PBRM1: variants seen among roughly 807,000 people sequenced by gnomAD.
PBRM1 encodes protein polybromo-1.
A neutral mutation model predicts 194.5 loss-of-function variants in PBRM1; 27 were observed. The observed-to-expected ratio is 0.14, with a 90% CI of 0.10 to 0.19. The LOEUF is 0.19. Ranked by LOEUF, PBRM1 falls within the 10% of genes least tolerant of loss-of-function variation. The pLI, the probability that PBRM1 is intolerant of heterozygous loss-of-function variation, is 1.00. For missense variants in PBRM1, 1,466 were observed against 2,077.2 expected (o/e 0.71, Z 5.72); for synonymous variants, 655 against 693.2 (o/e 0.94, Z 0.87).
At chr3:52,653,147 A>G (rs1419479507) in intron 5 of PBRM1, among the ~76,000 whole-genome samples, 2 of 152,238 alleles carry the variant, frequency 1.3e-5, no homozygotes, top group African/African-American at 2.4e-5. Flanking sequence ...TAACGTTATT[A>G]TATAATATTC....
At chr3:52,634,765 T>G in exon 11 of PBRM1, 1 of 1,614,096 alleles carries the variant, frequency 6.2e-7, no homozygotes, top group South Asian at 1.1e-5. Context: ...GAAACATCCA[T>G]AAAGGAAGTG....
intron 1 of PBRM1, among the ~76,000 whole-genome samples, chr3:52,685,085 G>C (rs1350389400): frequency 6.6e-6 from 1 of 152,092 alleles, no homozygotes; most frequent in Non-Finnish European, 1.5e-5. Context: ...CCCAACATAC[G>C]CTTCTATAAT....
intron 3 of PBRM1, among the ~76,000 whole-genome samples, chr3:52,664,209 G>T (rs1467669479): frequency 6.6e-6 from 1 of 151,654 alleles, no homozygotes; most frequent in Non-Finnish European, 1.5e-5. Context: ...CTCCAGCCTG[G>T]GTGACAGAGC....
exon 19 of PBRM1, chr3:52,587,495 T>C (rs1259299276): frequency 3.1e-6 from 5 of 1,601,738 alleles, no homozygotes; most frequent in Admixed American, 1.7e-5. Context: ...CCAACAGCCA[T>C]ACAACCATTT....
At chr3:52,582,734 C>T (rs914893983) in intron 20 of PBRM1, among the ~76,000 whole-genome samples, 1 of 152,024 alleles carries the variant, frequency 6.6e-6, no homozygotes, top group Non-Finnish European at 1.5e-5. Flanking sequence ...TCGCCTCTTA[C>T]GTAGAATCTT....
At chr3:52,668,516 A>G (rs755962661) in exon 3 of PBRM1, 2 of 1,603,770 alleles carry the variant, frequency 1.2e-6, no homozygotes, top group South Asian at 1.1e-5. Context: ...AGGACTTTGC[A>G]TTGTTAAAAA....
intron 3 of PBRM1, among the ~76,000 whole-genome samples, chr3:52,664,415 A>G (rs1490123089): frequency 2.0e-5 from 3 of 148,924 alleles, no homozygotes; most frequent in Non-Finnish European, 4.5e-5. Flanking sequence ...AAGAACTGAA[A>G]AAAAAAAAAA....
intron 23 of PBRM1, 80 bp downstream of exon 25, chr3:52,563,970 A>G (rs1334565004): frequency 1.2e-5 from 10 of 854,980 alleles, no homozygotes; most frequent in Non-Finnish European, 1.8e-5. Flanking sequence ...ATCTAATAAA[A>G]AATTAAAAAC....
At chr3:52,597,850 T>C (rs2093687626) in intron 17 of PBRM1, among the ~76,000 whole-genome samples, 1 of 152,122 alleles carries the variant, frequency 6.6e-6, no homozygotes, top group Non-Finnish European at 1.5e-5. Flanking sequence ...ACTATAGGCA[T>C]GTACCACCAC....
chr3:52,601,945 G>T (rs2094025872), intron 17 of PBRM1, among the ~76,000 whole-genome samples: 1 of 152,194 alleles, frequency 6.6e-6, no homozygotes, highest in African/African-American at 2.4e-5. Flanking sequence ...GAAGATGGGT[G>T]CCAGTTGTCG....
chr3:52,588,845 C>T (rs927597319), intron 18 of PBRM1, among the ~76,000 whole-genome samples: 4 of 152,088 alleles, frequency 2.6e-5, no homozygotes, highest in African/African-American at 7.2e-5. Flanking sequence ...CGTGAGCCAC[C>T]GCGCCCGACC....
chr3:52,666,772 G>C (rs547592124), intron 3 of PBRM1, among the ~76,000 whole-genome samples: 294 of 150,770 alleles, frequency 1.9e-3, no homozygotes, highest in Non-Finnish European at 2.2e-3. Flanking sequence ...CGCACCTGTA[G>C]TCCCAGCTAA....
chr3:52,598,999 G>GC (rs1387810016), intron 17 of PBRM1, among the ~76,000 whole-genome samples: 1 of 136,914 alleles, frequency 7.3e-6, no homozygotes, highest in African/African-American at 2.9e-5. Context: ...TCCAGCCTCA[G>GC]CAACAGTGCC....
chr3:52,561,646 C>T, intron 25 of PBRM1, 121 bp downstream of exon 27: 1 of 854,494 alleles, frequency 1.2e-6, no homozygotes, highest in Non-Finnish European at 2.0e-6. Context: ...CCATTTGGAA[C>T]AGTCCCCAAA....
intron 11 of PBRM1, among the ~76,000 whole-genome samples, chr3:52,629,850 C>G (rs1159255772): frequency 6.6e-6 from 1 of 152,208 alleles, no homozygotes; most frequent in Admixed American, 6.5e-5. Flanking sequence ...TATGTATAAA[C>G]AGCTTCACAG....
At chr3:52,684,386 A>G (rs1041783063), upstream of PBRM1, among the ~76,000 whole-genome samples, 5 of 150,056 alleles carry the variant, frequency 3.3e-5, no homozygotes, top group African/African-American at 1.3e-4. Flanking sequence ...CTTACTATAG[A>G]CAAACAGTGT....
At chr3:52,667,406 TA>T (rs1473988983) in intron 3 of PBRM1, among the ~76,000 whole-genome samples, 4 of 151,592 alleles carry the variant, frequency 2.6e-5, no homozygotes, top group African/African-American at 9.7e-5. Flanking sequence ...ATAAAAAAAA[TA>T]AAAAAACTGA....
intron 18 of PBRM1, among the ~76,000 whole-genome samples, chr3:52,588,288 T>C (rs754042668): frequency 3.3e-5 from 5 of 152,240 alleles, no homozygotes; most frequent in Non-Finnish European, 7.3e-5. Context: ...TTAATTTCTA[T>C]GCATACTCCA....
chr3:52,654,293 T>G (rs1013344937), intron 5 of PBRM1, among the ~76,000 whole-genome samples: 1 of 152,214 alleles, frequency 6.6e-6, no homozygotes, highest in Non-Finnish European at 1.5e-5. Context: ...AGCTTACCAC[T>G]ACTTTCTTAA....
Sources: gnomAD v4.1 joint callset for allele counts (sites outside exome capture counted in the v4.1 genomes callset) on GRCh38, gnomAD v4.1.1 for gene constraint, MANE v1.5 for transcripts, NCBI Gene and HGNC (gene_info 2026-07-23, HGNC 2026-07-21) for gene names.